EPM2A: variants seen among roughly 807,000 people sequenced by gnomAD.
The protein encoded by EPM2A is EPM2A glucan phosphatase, laforin.
Under a neutral mutation model 26.5 loss-of-function variants are expected in EPM2A, and 21 were observed. That is an observed-to-expected ratio of 0.79 (90% CI 0.56 to 1.14). The LOEUF is 1.14. EPM2A is among the 50% of genes most tolerant of loss of function. The probability of loss-of-function intolerance (pLI) is 0.00; values close to 1 mark genes in which losing one functional copy is unlikely to be tolerated. For synonymous variants in EPM2A, 217 were observed against 177.6 expected (o/e 1.22, Z -1.76); for missense variants, 458 against 440.8 (o/e 1.04, Z -0.35).
At chr6:145,655,368 G>GA (rs1363229868) in intron 2 of EPM2A, among the ~76,000 whole-genome samples, 6 of 151,948 alleles carry the variant, frequency 3.9e-5, no homozygotes, top group African/African-American at 1.4e-4. Flanking sequence ...CTATGACCAA[G>GA]AAAAAAATCC....
chr6:145,495,941 G>C (rs1053733769), intron 4 of EPM2A, among the ~76,000 whole-genome samples: 2 of 152,110 alleles, frequency 1.3e-5, no homozygotes, highest in African/African-American at 4.8e-5. Flanking sequence ...GCTGGTAAAA[G>C]TTTTTCCTTT....
Position 145,477,802 on chromosome 6 carries a change from T to A in EPM2A, c.555+24720A>T, listed in dbSNP as rs140717741. On this transcript the variant is annotated intron_variant, in intron 4 of 4. Transcript: ENST00000638717. The stretch of plus-strand genomic sequence containing the variant: ...ACCTCAATATAATAAAATTCATATA[T>A]GACAGGCCCACAGCTAATATTATAC... Among the ~76,000 whole-genome samples the A allele has an allele frequency of 1.4e-3, 206 of 151,964 alleles. 1 individual carries two copies. The highest frequency in any genetic ancestry group is 4.8e-3 in the African/African-American group (199 of 41,540).
chr6:145,420,198 C>G (rs1030886517), intron 4 of EPM2A, among the ~76,000 whole-genome samples: 1 of 152,026 alleles, frequency 6.6e-6, no homozygotes, highest in Non-Finnish European at 1.5e-5. Flanking sequence ...CCACAGTATT[C>G]AAGCCAATAA....
chr6:145,684,107 A>G (rs2128612408), intron 2 of EPM2A, among the ~76,000 whole-genome samples: 1 of 152,308 alleles, frequency 6.6e-6, no homozygotes, highest in South Asian at 2.1e-4. Flanking sequence ...CAAAAAGTGA[A>G]TAACAGAATA....
At chr6:145,727,738 C>G (rs956077551) in intron 1 of EPM2A, among the ~76,000 whole-genome samples, 2 of 152,178 alleles carry the variant, frequency 1.3e-5, no homozygotes, top group African/African-American at 4.8e-5. Context: ...TTGTTAGCTG[C>G]CTACCTAAAA....
At chr6:145,675,710 T>C (rs971344955) in intron 2 of EPM2A, among the ~76,000 whole-genome samples, 6 of 152,146 alleles carry the variant, frequency 3.9e-5, no homozygotes, top group Non-Finnish European at 1.5e-5. Flanking sequence ...GGTAAAGGGA[T>C]CAATTCAACA....
chr6:145,602,102 TA>T (rs1368012275), intron 2 of EPM2A, among the ~76,000 whole-genome samples: 2 of 152,184 alleles, frequency 1.3e-5, no homozygotes, highest in Non-Finnish European at 2.9e-5. Context: ...ATTTTCTATT[TA>T]AAAATTAAAA....
intron 4 of EPM2A, among the ~76,000 whole-genome samples, chr6:145,398,127 TTGAGATAGGCC>T (rs1778430762): frequency 6.6e-6 from 1 of 152,154 alleles, no homozygotes; most frequent in African/African-American, 2.4e-5. Context: ...TTGCACCATG[TTGAGATAGGCC>T]TGTGCATGCC....
intron 4 of EPM2A, among the ~76,000 whole-genome samples, chr6:145,421,081 A>G (rs1393650165): frequency 6.6e-6 from 1 of 152,192 alleles, no homozygotes; most frequent in East Asian, 1.9e-4. Flanking sequence ...TGACCTAAGC[A>G]AATTCTTTGA....
intron 2 of EPM2A, among the ~76,000 whole-genome samples, chr6:145,510,786 A>C (rs1780044191): frequency 6.6e-6 from 1 of 152,184 alleles, no homozygotes; most frequent in Admixed American, 6.5e-5. Flanking sequence ...TGAAATTCAG[A>C]CCAAAATGAT....
At chr6:145,510,003 C>T (rs1419952976) in intron 2 of EPM2A, among the ~76,000 whole-genome samples, 1 of 151,750 alleles carries the variant, frequency 6.6e-6, no homozygotes, top group Non-Finnish European at 1.5e-5. Context: ...CATTACATAA[C>T]AATAAAGGGT....
At chr6:145,548,974 T>C (rs1208711043) in intron 2 of EPM2A, among the ~76,000 whole-genome samples, 1 of 152,150 alleles carries the variant, frequency 6.6e-6, no homozygotes, top group Non-Finnish European at 1.5e-5. Flanking sequence ...AAGCCGTGTG[T>C]AGCTAGTTGA....
chr6:145,512,359 C>G (rs554586854), intron 2 of EPM2A, among the ~76,000 whole-genome samples: 21 of 152,184 alleles, frequency 1.4e-4, no homozygotes, highest in Admixed American at 4.6e-4. Flanking sequence ...TACTACAAGG[C>G]TACAGCAACT....
chr6:145,465,721 C>T (rs1000569139), intron 4 of EPM2A, among the ~76,000 whole-genome samples: 3 of 151,930 alleles, frequency 2.0e-5, no homozygotes, highest in Non-Finnish European at 2.9e-5. Flanking sequence ...TGTTGGAGTA[C>T]CCGGCCGTGT....
At chr6:145,557,297 A>G (rs557457464) in intron 2 of EPM2A, among the ~76,000 whole-genome samples, 13 of 152,256 alleles carry the variant, frequency 8.5e-5, no homozygotes, top group African/African-American at 2.9e-4. Context: ...CCCATTGGGT[A>G]CGATGTACAC....
At chr6:145,733,605 A>G (rs1213314621) in intron 1 of EPM2A, among the ~76,000 whole-genome samples, 1 of 152,152 alleles carries the variant, frequency 6.6e-6, no homozygotes, top group Admixed American at 6.5e-5. Flanking sequence ...TTCCATTTTT[A>G]TTACAATTAT....
At chr6:145,413,319 G>A (rs1368312764) in intron 4 of EPM2A, among the ~76,000 whole-genome samples, 2 of 152,134 alleles carry the variant, frequency 1.3e-5, no homozygotes, top group African/African-American at 4.8e-5. Context: ...ATTTTCAAAA[G>A]CATTCACAAG....
intron 4 of EPM2A, among the ~76,000 whole-genome samples, chr6:145,426,721 T>C (rs754479664): frequency 7.2e-5 from 11 of 152,330 alleles, no homozygotes; most frequent in Non-Finnish European, 1.5e-4. Context: ...GGCAAAGAAC[T>C]GAAATGAAAT....
intron 4 of EPM2A, among the ~76,000 whole-genome samples, chr6:145,421,339 A>G (rs1778778034): frequency 1.3e-5 from 2 of 152,154 alleles, no homozygotes; most frequent in South Asian, 4.1e-4. Context: ...CCTTTGAATA[A>G]CAGACTTTTT....
Sources: gnomAD v4.1 joint callset for allele counts (sites outside exome capture counted in the v4.1 genomes callset) on GRCh38, gnomAD v4.1.1 for gene constraint, MANE v1.5 for transcripts, NCBI Gene and HGNC (gene_info 2026-07-23, HGNC 2026-07-21) for gene names.